ACTR3C: variants seen among roughly 807,000 people sequenced by gnomAD.
ACTR3C encodes the protein actin related protein 3C.
Under a neutral mutation model 26.3 loss-of-function variants are expected in ACTR3C, and 18 were observed. The observed-to-expected ratio is 0.68, with a 90% CI of 0.47 to 1.01. The LOEUF (loss-of-function observed/expected upper bound fraction) is 1.01, where lower values mean the gene tolerates loss of function less well. Ranked by LOEUF, ACTR3C falls within the 50% of genes least tolerant of loss-of-function variation. ACTR3C has a pLI of 0.00. For synonymous variants in ACTR3C, 55 were observed against 94.5 expected (o/e 0.58, Z 2.42); for missense variants, 184 against 250.7 (o/e 0.73, Z 1.80).
the ACTR3C span, among the ~76,000 whole-genome samples, chr7:150,188,228 T>C: frequency 6.6e-5 from 10 of 152,206 alleles, no homozygotes; most frequent in African/African-American, 1.9e-4. Flanking sequence ...AGCTTTTTGA[T>C]TGTGGCTTTT....
chr7:150,144,622 T>A, the ACTR3C span, among the ~76,000 whole-genome samples: 1 of 152,230 alleles, frequency 6.6e-6, no homozygotes, highest in African/African-American at 2.4e-5. This position sits in a 1 kb window ranked among gnomAD's most constrained non-coding sequence, Gnocchi z 4.6. Context: ...TGCTTTCTAA[T>A]TATTAGCTGT....
At chr7:149,927,316 C>T in the ACTR3C span, among the ~76,000 whole-genome samples, 2 of 151,854 alleles carry the variant, frequency 1.3e-5, no homozygotes, top group Non-Finnish European at 2.9e-5. Flanking sequence ...TGTAACCTCC[C>T]CTTTGTGGAC....
At chr7:149,976,243 G>A in the ACTR3C span, among the ~76,000 whole-genome samples, 15 of 152,046 alleles carry the variant, frequency 9.9e-5, no homozygotes, top group African/African-American at 3.4e-4. Flanking sequence ...TTAATTTTTG[G>A]TTCAAGGGCA....
At chr7:150,120,862 G>A in the ACTR3C span, among the ~76,000 whole-genome samples, 3 of 152,140 alleles carry the variant, frequency 2.0e-5, no homozygotes, top group Non-Finnish European at 4.4e-5. Context: ...ACTGAATACA[G>A]CAGCAGATCA....
intron 1 of ACTR3C, among the ~76,000 whole-genome samples, chr7:150,308,117 G>A (rs754071871): frequency 9.2e-5 from 14 of 152,220 alleles, no homozygotes; most frequent in Admixed American, 3.3e-4. Context: ...TAATCACTGC[G>A]GGGACACCTG....
chr7:150,175,596 C>T, the ACTR3C span, among the ~76,000 whole-genome samples: 1 of 149,516 alleles, frequency 6.7e-6, no homozygotes, highest in Non-Finnish European at 1.5e-5. Flanking sequence ...GGTGGATCAC[C>T]TGAGGTCAGG....
chr7:149,918,674 G>A, the ACTR3C span, among the ~76,000 whole-genome samples: 1 of 152,116 alleles, frequency 6.6e-6, no homozygotes, highest in African/African-American at 2.4e-5. Flanking sequence ...TGGGCAACAA[G>A]AGCAAAACTC....
the ACTR3C span, among the ~76,000 whole-genome samples, chr7:149,995,760 C>T: frequency 4.6e-5 from 7 of 152,192 alleles, no homozygotes; most frequent in South Asian, 2.1e-4. Flanking sequence ...GTGGAAAGGC[C>T]GAAGAGGTAA....
the ACTR3C span, among the ~76,000 whole-genome samples, chr7:149,954,267 T>A: frequency 6.6e-6 from 1 of 152,122 alleles, no homozygotes; most frequent in Admixed American, 6.5e-5. Context: ...ATCATTTGAG[T>A]AGAAAAAGAA....
chr7:150,258,582 T>C (rs1833399613), intron 6 of ACTR3C, among the ~76,000 whole-genome samples: 1 of 152,276 alleles, frequency 6.6e-6, no homozygotes, highest in South Asian at 2.1e-4. Flanking sequence ...ACTGACGTCC[T>C]TAGTAATTGT....
At chr7:150,047,154 C>A in the ACTR3C span, among the ~76,000 whole-genome samples, 3 of 151,402 alleles carry the variant, frequency 2.0e-5, no homozygotes, top group Non-Finnish European at 4.4e-5. Context: ...AGAGGAGGGG[C>A]ACGATGGAGA....
the ACTR3C span, among the ~76,000 whole-genome samples, chr7:150,043,058 G>GCTT: frequency 6.6e-6 from 1 of 151,732 alleles, no homozygotes; most frequent in Admixed American, 6.6e-5. Flanking sequence ...AAACCCCACA[G>GCTT]CTCCTAAGAA....
chr7:150,249,771 T>C (rs994769260), intron 6 of ACTR3C, among the ~76,000 whole-genome samples: 1 of 152,162 alleles, frequency 6.6e-6, no homozygotes, highest in South Asian at 2.1e-4. Flanking sequence ...CATGAGTTTT[T>C]AAAAGCGATA....
the ACTR3C span, among the ~76,000 whole-genome samples, chr7:150,175,167 G>A: frequency 6.7e-6 from 1 of 148,168 alleles, no homozygotes; most frequent in African/African-American, 2.7e-5. Context: ...GTATGTGCAT[G>A]TGTCTGTGTG....
At chr7:150,279,358 T>G (rs1365343971) in intron 6 of ACTR3C, among the ~76,000 whole-genome samples, 2 of 152,250 alleles carry the variant, frequency 1.3e-5, no homozygotes, top group African/African-American at 4.8e-5. Context: ...CCCTGCAACA[T>G]GCTTCTCTAG....
At chr7:149,965,170 C>T in the ACTR3C span, among the ~76,000 whole-genome samples, 1 of 148,636 alleles carries the variant, frequency 6.7e-6, no homozygotes, top group African/African-American at 2.5e-5. Flanking sequence ...TTGAGCACCT[C>T]TATTTGACAT....
At chr7:150,023,145 A>AGATC in the ACTR3C span, among the ~76,000 whole-genome samples, 6 of 76,778 alleles carry the variant, frequency 7.8e-5, no homozygotes, top group East Asian at 6.0e-4. Context: ...ATATATATAG[A>AGATC]TATCTATATA....
the ACTR3C span, among the ~76,000 whole-genome samples, chr7:150,078,260 C>T: frequency 6.7e-6 from 1 of 149,216 alleles, no homozygotes; most frequent in Non-Finnish European, 1.5e-5. Flanking sequence ...AAGGCAAATG[C>T]AAGTGTCCCC....
rs567305387 is a variant in ACTR3C, at chr7:150,286,455, G to A, written c.383C>T (p.Thr128Met). 20 of 1,612,970 alleles carry A rather than the reference G, an allele frequency of 1.2e-5. No individual in the cohort carries two copies. The highest frequency in any genetic ancestry group is 1.7e-4 in the Middle Eastern group (1 of 6,060). The change falls in exon 5 of 8, where the codon ACG becomes ATG. Residue 128 changes from threonine (T) to methionine (M), a missense_variant. Transcript: ENST00000683684. ...CTTCTGGTTGATCGCATTGATACCC[G>A]TGTACTGTTTGATCCACTTCTGGGG... ...VDPQKWIKQYTGINAINQKKF... is the reference protein window; with the variant it reads ...VDPQKWIKQYMGINAINQKKF...
Sources: allele counts gnomAD v4.1 joint callset (sites outside exome capture counted in the v4.1 genomes callset), GRCh38; gene constraint gnomAD v4.1.1; non-coding constraint Gnocchi (gnomAD v3.1); transcripts MANE v1.5; gene names NCBI Gene and HGNC (gene_info 2026-07-23, HGNC 2026-07-21).